The following SPAG17 variants were observed in gnomAD, a reference collection of about 807,000 sequenced individuals.
SPAG17 encodes sperm-associated antigen 17.
A neutral mutation model predicts 273.6 loss-of-function variants in SPAG17; 169 were observed. That is an observed-to-expected ratio of 0.62 (90% CI 0.55 to 0.70). The LOEUF (loss-of-function observed/expected upper bound fraction) is 0.70, where lower values mean the gene tolerates loss of function less well. Ranked by LOEUF, SPAG17 falls within the 30% of genes least tolerant of loss-of-function variation. The pLI is 0.00. For synonymous variants in SPAG17, 825 were observed against 873.2 expected (o/e 0.94, Z 0.97); for missense variants, 2,557 against 2,627.8 (o/e 0.97, Z 0.59).
intron 21 of SPAG17, 122 bp downstream of exon 21, chr1:118,041,681 C>A: frequency 1.5e-6 from 2 of 1,313,134 alleles, no homozygotes; most frequent in Non-Finnish European, 1.1e-6. Flanking sequence ...CTCATTAATA[C>A]CAGAAGAAAC....
intron 32 of SPAG17, among the ~76,000 whole-genome samples, chr1:118,003,152 C>T (rs1217776510): frequency 6.6e-6 from 1 of 152,312 alleles, no homozygotes; most frequent in East Asian, 1.9e-4. Context: ...TGAATATTGG[C>T]CCCCACTCTC....
At chr1:117,994,113 G>A (rs540137623) in intron 35 of SPAG17, among the ~76,000 whole-genome samples, 1 of 152,260 alleles carries the variant, frequency 6.6e-6, no homozygotes, top group East Asian at 1.9e-4. Context: ...TGACAGAGGT[G>A]TAACCTGGCT....
intron 10 of SPAG17, among the ~76,000 whole-genome samples, chr1:118,090,890 A>G (rs964561871): frequency 6.6e-6 from 1 of 152,088 alleles, no homozygotes; most frequent in Non-Finnish European, 1.5e-5. Flanking sequence ...CTTAAAAATA[A>G]TTAAATAAAT....
chr1:118,099,700 G>C lies in SPAG17; in HGVS notation c.735C>G (p.Thr245=). ...TCTCTGAAGATATTTTAATCACGCTGGTTATAGGAATGCCAAGCTCAGCCA... is the reference window on the plus strand; with the variant it reads ...TCTCTGAAGATATTTTAATCACGCTCGTTATAGGAATGCCAAGCTCAGCCA... ...AIMAELGIPI[T]SVIKISSENY... Residue 245 remains threonine (T), a synonymous_variant, in exon 6 of 49, where the codon ACC becomes ACG. Transcript: ENST00000336338. The C allele has an allele frequency of 6.2e-7, 1 of 1,613,926 alleles. No homozygotes were observed. The highest frequency in any genetic ancestry group is 8.5e-7 in the Non-Finnish European group (1 of 1,179,892).
At chr1:118,156,268 C>A (rs913687983) in intron 1 of SPAG17, among the ~76,000 whole-genome samples, 4 of 152,186 alleles carry the variant, frequency 2.6e-5, no homozygotes, top group African/African-American at 9.7e-5. Context: ...GTTTTCTATG[C>A]TTTTGCACTT....
intron 21 of SPAG17, among the ~76,000 whole-genome samples, chr1:118,041,575 G>A (rs950699216): frequency 2.0e-5 from 3 of 151,982 alleles, no homozygotes; most frequent in South Asian, 4.1e-4. Context: ...AGCTAGGTTC[G>A]TGGCACTCAA....
At chr1:117,982,967 G>T (rs182212484) in intron 42 of SPAG17, among the ~76,000 whole-genome samples, 8 of 152,236 alleles carry the variant, frequency 5.3e-5, no homozygotes, top group Admixed American at 5.2e-4. Flanking sequence ...TTAGATTCTG[G>T]ATAAGGATTT....
chr1:118,092,064 A>G (rs1655412933), intron 8 of SPAG17, 62 bp from the exon 9 acceptor site: 1 of 1,377,204 alleles, frequency 7.3e-7, no homozygotes, highest in Admixed American at 1.7e-5. Flanking sequence ...GCCCTCATCA[A>G]ATGCTGGTAT....
At chr1:118,026,502 C>T (rs1413615749) in intron 26 of SPAG17, among the ~76,000 whole-genome samples, 1 of 152,066 alleles carries the variant, frequency 6.6e-6, no homozygotes. Flanking sequence ...TAATGATAAA[C>T]CAATAAACAT....
At chr1:118,107,197 T>C (rs1558018054) in intron 4 of SPAG17, among the ~76,000 whole-genome samples, 1 of 152,146 alleles carries the variant, frequency 6.6e-6, no homozygotes, top group Non-Finnish European at 1.5e-5. Flanking sequence ...CTAAACTCAT[T>C]TTATTTCCAT....
At chr1:118,013,927 A>G (rs1366972807) in intron 29 of SPAG17, among the ~76,000 whole-genome samples, 2 of 152,214 alleles carry the variant, frequency 1.3e-5, no homozygotes, top group African/African-American at 4.8e-5. Flanking sequence ...GAAACTTGCC[A>G]AAAGTTATAC....
At chr1:118,128,855 G>T (rs1657891532) in intron 3 of SPAG17, among the ~76,000 whole-genome samples, 1 of 152,156 alleles carries the variant, frequency 6.6e-6, no homozygotes, top group African/African-American at 2.4e-5. Context: ...CTCTCATTCA[G>T]CTCATGTGAC....
intron 3 of SPAG17, among the ~76,000 whole-genome samples, chr1:118,146,778 T>G (rs2102336029): frequency 6.6e-6 from 1 of 152,342 alleles, no homozygotes; most frequent in East Asian, 1.9e-4. Context: ...TTCATTTTGC[T>G]AGTGAGCAGA....
intron 38 of SPAG17, among the ~76,000 whole-genome samples, chr1:117,989,961 C>T (rs774004691): frequency 5.9e-5 from 9 of 151,970 alleles, no homozygotes; most frequent in Non-Finnish European, 1.2e-4. Context: ...AATTATTTGT[C>T]ATTCATCTAA....
rs1028261558 is a variant in SPAG17, at chr1:118,085,984, G to A, written c.1700C>T (p.Pro567Leu). Reference protein sequence around the residue: ...LWEFLQFPLPPPWNNTKRLAT... With the variant: ...LWEFLQFPLPLPWNNTKRLAT... Reference sequence around the variant, plus strand: ...TAGACGTTTAGTGTTGTTCCATGGTGGGGGTAGAGGGAATTGAAGAAATTC... The same window carrying A: ...TAGACGTTTAGTGTTGTTCCATGGTAGGGGTAGAGGGAATTGAAGAAATTC... The change falls in exon 13 of 49, where the codon CCA (proline) becomes CTA (leucine). Residue 567 changes from proline (P) to leucine (L), a missense_variant. Pro to Leu is a moderately conservative substitution (Grantham distance 98). Transcript: ENST00000336338. 18 of 1,613,780 alleles carry A rather than the reference G, an allele frequency of 1.1e-5. No individual in the cohort carries two copies. The highest frequency in any genetic ancestry group is 2.2e-5 in the South Asian group (2 of 91,016).
intron 15 of SPAG17, among the ~76,000 whole-genome samples, chr1:118,079,275 T>C (rs986723794): frequency 6.6e-5 from 10 of 152,070 alleles, no homozygotes; most frequent in Non-Finnish European, 1.5e-5. Flanking sequence ...GTTTTCTATT[T>C]CTTCTTGGGT....
Position 117,981,311 on chromosome 1 carries a change from G to T in SPAG17, c.5963C>A (p.Thr1988Asn). Residue 1988 changes from threonine (T) to asparagine (N), a missense_variant, in exon 43 of 49, where the codon ACT becomes AAT. By Grantham distance (65) the Thr-to-Asn change is moderately conservative. Coordinates refer to ENST00000336338, the MANE Select transcript of SPAG17 (RefSeq NM_206996.4). ...TAAATTTTCAGTTTGGTTCTGAGCA[G>T]TGAAATCCTTCTTATCTGCAGAAAT... ...PEISADKKDF[T>N]AQNQTENLTK... The T allele has an allele frequency of 6.3e-7, 1 of 1,596,414 alleles. No individual in the cohort carries two copies. Among genetic ancestry groups the T allele is most frequent in the African/African-American group, 1.4e-5 (1 of 73,666 alleles).
chr1:117,974,719 T>C (rs1654951711), intron 43 of SPAG17, among the ~76,000 whole-genome samples: 1 of 152,194 alleles, frequency 6.6e-6, no homozygotes, highest in Non-Finnish European at 1.5e-5. Context: ...AGTAGCTGTG[T>C]GTCTTTGTTC....
At chr1:117,954,188 A>C (rs1338131181) in intron 48 of SPAG17, 139 bp from the exon 49 acceptor site, 1 of 1,074,550 alleles carries the variant, frequency 9.3e-7, no homozygotes, top group Non-Finnish European at 1.4e-6. Flanking sequence ...AACTAAGATC[A>C]GGATATGCAA....
Sources: gnomAD v4.1 joint callset for allele counts (sites outside exome capture counted in the v4.1 genomes callset) on GRCh38, gnomAD v4.1.1 for gene constraint, MANE v1.5 for transcripts, NCBI Gene and HGNC (gene_info 2026-07-23, HGNC 2026-07-21) for gene names.